The following GPALPP1 variants were observed in gnomAD, a reference collection of about 807,000 sequenced individuals.
GPALPP1 encodes GPALPP motifs containing 1.
GPALPP1 carries 30 observed loss-of-function variants against 38.9 expected under a neutral mutation model. The ratio of observed to expected loss-of-function variants is 0.77; its 90% confidence interval spans 0.58 to 1.05. The LOEUF is 1.05. Ranked by LOEUF, GPALPP1 falls within the 50% of genes least tolerant of loss-of-function variation. The pLI, the probability that GPALPP1 is intolerant of heterozygous loss-of-function variation, is 0.00. For missense variants in GPALPP1, 384 were observed against 408.8 expected (o/e 0.94, Z 0.52); for synonymous variants, 120 against 139.2 (o/e 0.86, Z 0.97).
downstream of GPALPP1, chr13:45,031,358 A>G (rs1876188547): frequency 1.3e-5 from 2 of 152,198 alleles, no homozygotes. Context: ...CAATGAAAGG[A>G]AAAAAGTATT....
At chr13:45,019,038 GAAA>G (rs1875144830) in intron 6 of GPALPP1, among the ~76,000 whole-genome samples, 1 of 9,366 alleles carries the variant, frequency 1.1e-4, no homozygotes, top group Non-Finnish European at 2.3e-4. Flanking sequence ...TATATACATA[GAAA>G]TATATAAATA....
chr13:45,020,011 A>G (rs1314428134), intron 6 of GPALPP1, among the ~76,000 whole-genome samples: 1 of 142,864 alleles, frequency 7.0e-6, no homozygotes, highest in African/African-American at 2.6e-5. Flanking sequence ...TAGCCTCCCC[A>G]GTAGCTGGGA....
downstream of GPALPP1, among the ~76,000 whole-genome samples, chr13:45,032,550 C>T (rs374953355): frequency 2.6e-5 from 4 of 151,486 alleles, no homozygotes; most frequent in Non-Finnish European, 5.9e-5. Flanking sequence ...GGACTACAGG[C>T]GCCCACCACC....
At chr13:45,030,391 T>A (rs1427056780), downstream of GPALPP1, 1 of 152,198 alleles carries the variant, frequency 6.6e-6, no homozygotes. Context: ...TATTTTTGTT[T>A]TTTTGAGAGA....
At chr13:45,016,410 C>T (rs1467519308) in intron 6 of GPALPP1, among the ~76,000 whole-genome samples, 6 of 151,838 alleles carry the variant, frequency 4.0e-5, no homozygotes, top group African/African-American at 7.3e-5. Context: ...GCCAAGATTG[C>T]GCCGCTGCAC....
intron 1 of GPALPP1, among the ~76,000 whole-genome samples, chr13:44,997,516 C>T (rs567518380): frequency 2.0e-5 from 3 of 152,134 alleles, no homozygotes; most frequent in Non-Finnish European, 4.4e-5. Context: ...ACTAATTTCA[C>T]CTACATTTTA....
intron 1 of GPALPP1, among the ~76,000 whole-genome samples, chr13:44,991,207 G>T (rs1024751974): frequency 1.3e-5 from 2 of 152,064 alleles, no homozygotes; most frequent in Non-Finnish European, 2.9e-5. Flanking sequence ...CCAGCGCTTT[G>T]GGAGGCCGAG....
rs530787938 is a variant in GPALPP1 at position 44,990,296 on chromosome 13, C to T, written c.88+554C>T. 1.1e-4 allele frequency: 21 copies of T among 198,548 alleles called. No homozygotes were observed. In the South Asian group the frequency reaches 3.8e-3, roughly 36 times the overall value. The allele number at this position is 198,548 out of a possible 1,614,324, so 12.3% of individuals were successfully genotyped here. ...ATACTCAATCCAGTCTGAGTTGCTG[C>T]GCAATTCCTTAACGCTCTAGGCTTC... On this transcript the variant is annotated intron_variant, in intron 1 of 7. Coordinates refer to ENST00000379151, the MANE Select transcript of GPALPP1 (RefSeq NM_018559.5).
chr13:45,019,748 C>T (rs1875260320), intron 6 of GPALPP1, among the ~76,000 whole-genome samples: 2 of 151,452 alleles, frequency 1.3e-5, no homozygotes, highest in Middle Eastern at 6.9e-3. Flanking sequence ...CATCTCACCA[C>T]TGTTAAGTCA....
intron 4 of GPALPP1, among the ~76,000 whole-genome samples, chr13:45,012,590 T>TA (rs1447852078): frequency 3.3e-5 from 5 of 152,178 alleles, no homozygotes; most frequent in African/African-American, 1.2e-4. Context: ...CTAACCTACC[T>TA]AGTTAGCAAA....
intron 1 of GPALPP1, among the ~76,000 whole-genome samples, chr13:44,997,513 T>C (rs1202194835): frequency 6.6e-6 from 1 of 152,030 alleles, no homozygotes; most frequent in Non-Finnish European, 1.5e-5. Flanking sequence ...TCCACTAATT[T>C]CACCTACATT....
intron 4 of GPALPP1, 196 bp downstream of exon 4, chr13:45,009,075 T>A: frequency 1.5e-6 from 1 of 660,852 alleles, no homozygotes. Flanking sequence ...TTCACAAACC[T>A]GAGATTCTGT....
In GPALPP1 at chr13:45,005,086, C is replaced by CTTTTTTTTTTT. The variant is rs71759613; in HGVS notation, c.221+669_221+679dup. ...TTTCTTTAAATAAACTAATGGTTTT[C>CTTTTTTTTTTT]TTTTTTTTTTTTTTTTTTTTTTTTT... is the stretch of plus-strand genomic sequence containing the variant. On this transcript the variant is annotated intron_variant, in intron 2 of 7. Transcript: ENST00000379151. 2.4e-4 allele frequency: 14 copies of CTTTTTTTTTTT among 57,532 alleles called. 2 individuals carry two copies. The highest frequency in any genetic ancestry group is 3.5e-4 in the Non-Finnish European group (11 of 31,576). The allele number at this position is 57,532 out of a possible 1,614,324, so 3.6% of individuals were successfully genotyped here.
intron 7 of GPALPP1, among the ~76,000 whole-genome samples, chr13:45,024,695 G>A (rs908409988): frequency 1.3e-5 from 2 of 151,614 alleles, no homozygotes; most frequent in African/African-American, 2.4e-5. Flanking sequence ...TTGGGAGGCC[G>A]AGGCAGGCAG....
intron 1 of GPALPP1, among the ~76,000 whole-genome samples, chr13:44,996,113 G>C (rs937050049): frequency 6.6e-6 from 1 of 152,080 alleles, no homozygotes; most frequent in African/African-American, 2.4e-5. Flanking sequence ...CCAGCACTTT[G>C]GGAGGCTAAG....
chr13:45,036,885 A>G (rs1306516861), exon 8 of GPALPP1: 1 of 152,260 alleles, frequency 6.6e-6, no homozygotes, highest in Non-Finnish European at 1.5e-5. Context: ...TGAGCCCAAG[A>G]GTTCAAGGCT....
intron 1 of GPALPP1, among the ~76,000 whole-genome samples, chr13:44,995,361 A>G (rs1203587630): frequency 6.6e-6 from 1 of 151,350 alleles, no homozygotes; most frequent in Non-Finnish European, 1.5e-5. Context: ...TTAATACTCT[A>G]TTCTCTCTTT....
chr13:45,023,367 C>T (rs1593406596), intron 7 of GPALPP1, among the ~76,000 whole-genome samples: 1 of 152,148 alleles, frequency 6.6e-6, no homozygotes, highest in South Asian at 2.1e-4. Flanking sequence ...AATTTGAGCA[C>T]TTGAATTGTT....
intron 1 of GPALPP1, among the ~76,000 whole-genome samples, chr13:44,994,573 T>A (rs1330728961): frequency 2.0e-5 from 3 of 152,172 alleles, no homozygotes; most frequent in Non-Finnish European, 2.9e-5. Context: ...TGTTGTTCCC[T>A]CAGTTTGAGT....
Sources: allele counts gnomAD v4.1 joint callset (sites outside exome capture counted in the v4.1 genomes callset), GRCh38; gene constraint gnomAD v4.1.1; transcripts MANE v1.5; gene names NCBI Gene and HGNC (gene_info 2026-07-23, HGNC 2026-07-21).